SNED1: variants seen among roughly 807,000 people sequenced by gnomAD.
The protein encoded by SNED1 is sushi, nidogen and EGF-like domain-containing protein 1.
In SNED1, 81 loss-of-function variants were observed where a neutral mutation model predicts 166.7. That is an observed-to-expected ratio of 0.49 (90% confidence interval 0.41 to 0.58). The LOEUF is 0.58. SNED1 is among the 20% of genes least tolerant of loss of function. SNED1 has a pLI of 0.00. For synonymous variants in SNED1, 762 were observed against 822.0 expected, an observed-to-expected ratio of 0.93 and a Z score of 1.25; for missense variants, 1,604 against 2,000.2, an observed-to-expected ratio of 0.80 and a Z score of 3.78.
intron 16 of SNED1, among the ~76,000 whole-genome samples, chr2:241,055,227 T>C (rs1477414136): frequency 6.6e-6 from 1 of 152,144 alleles, no homozygotes; most frequent in Non-Finnish European, 1.5e-5. Flanking sequence ...GATAAGTGGC[T>C]AGGGAGTTAA....
At chr2:241,020,116 A>T (rs900983727) in intron 1 of SNED1, among the ~76,000 whole-genome samples, 9 of 152,256 alleles carry the variant, frequency 5.9e-5, no homozygotes, top group African/African-American at 2.2e-4. Context: ...AAAAGAACAA[A>T]AAAGAATATG....
At chr2:241,056,726 G>A (rs796319981) in intron 16 of SNED1, among the ~76,000 whole-genome samples, 26 of 151,712 alleles carry the variant, frequency 1.7e-4, no homozygotes, top group African/African-American at 5.8e-4. Flanking sequence ...GACTACAGGC[G>A]CCCATCACCA....
intron 8 of SNED1, 98 bp downstream of exon 8, chr2:241,040,511 C>G: frequency 1.3e-6 from 1 of 744,084 alleles, no homozygotes; most frequent in Non-Finnish European, 2.2e-6. Context: ...TGCCATCTGA[C>G]TCACCTCACA....
In SNED1 at chr2:241,069,054, GA is replaced by G; in HGVS notation, c.3307+34del. 6.9e-7 allele frequency: 1 copy of G among 1,439,252 alleles called. No individual in the cohort carries two copies. Among genetic ancestry groups the G allele is most frequent in the Non-Finnish European group, 9.5e-7 (1 of 1,052,882 alleles). The allele number at this position is 1,439,252 out of a possible 1,614,324, so 89.2% of individuals were successfully genotyped here. ...TAGAGCAGCGCGGCCCCCGGCACAC[GA>G]AAGGCCGTCTTCTAGAAGCTCTGGC... On this transcript the variant is annotated intron_variant, in intron 23 of 31. Coordinates refer to ENST00000310397, the MANE Select transcript of SNED1 (RefSeq NM_001080437.3). The surrounding 1 kb of genome is among the most constrained non-coding windows in gnomAD (Gnocchi z 4.9).
At chr2:241,037,135 A>T in intron 5 of SNED1, 105 bp from the exon 6 acceptor site, 1 of 1,107,628 alleles carries the variant, frequency 9.0e-7, no homozygotes, top group Non-Finnish European at 1.3e-6. Flanking sequence ...CTCTGAGCCA[A>T]TCTCGGGCTT....
chr2:241,072,211 C>A, intron 26 of SNED1: 1 of 551,326 alleles, frequency 1.8e-6, no homozygotes, highest in South Asian at 1.5e-5. Context: ...GGGCTCTGAG[C>A]TTTGTTTTAG....
At chr2:241,003,219 T>G (rs943798194) in intron 1 of SNED1, among the ~76,000 whole-genome samples, 19 of 151,606 alleles carry the variant, frequency 1.3e-4, no homozygotes, top group Non-Finnish European at 7.4e-5. Flanking sequence ...TTAGTTTTCT[T>G]GTTTGGGAGG....
chr2:241,052,697 GGGGGGGGTCA>G lies in SNED1; in HGVS notation c.2083+230_2083+239del, dbSNP rs1559269643. Among the ~76,000 whole-genome samples the G allele has an allele frequency of 2.7e-3, 150 of 55,488 alleles. 2 individuals are homozygous for G. Among genetic ancestry groups the G allele is most frequent in the East Asian group, 0.019 (22 of 1,168 alleles). The allele number at this position is 55,488 out of a possible 152,430, so 36.4% of individuals were successfully genotyped here. A position where few individuals can be genotyped will look rare whatever the true frequency, so the allele number is the denominator to read the frequency against. Reference sequence around the variant, plus strand: ...GGCAGGTGAGAGGGTCGGCGGGGGGGGGGGGGGTCAAGCAGGGTACATGGGATACCAGTGC... The same window carrying G: ...GGCAGGTGAGAGGGTCGGCGGGGGGGAGCAGGGTACATGGGATACCAGTGC... On this transcript the variant is annotated intron_variant, in intron 15 of 31. Transcript: ENST00000310397.
intron 31 of SNED1, chr2:241,089,861 ACACAC>A: frequency 6.9e-7 from 1 of 1,453,100 alleles, no homozygotes; most frequent in Non-Finnish European, 9.1e-7. Flanking sequence ...CTCCCGGGCT[ACACAC>A]CACAGCGTGT....
intron 30 of SNED1, chr2:241,088,083 A>G: frequency 2.1e-6 from 1 of 474,364 alleles, no homozygotes; most frequent in Non-Finnish European, 3.7e-6. Context: ...TCCCTAGGGT[A>G]GCTTTTGCTT....
Position 240,999,155 on chromosome 2 carries a change from A to C in SNED1, c.213+105A>C, listed in dbSNP as rs2060000653. On this transcript the variant is annotated intron_variant, in intron 1 of 31. Coordinates refer to ENST00000310397, the MANE Select transcript of SNED1 (RefSeq NM_001080437.3). This position sits in a 1 kb window ranked among gnomAD's most constrained non-coding sequence, Gnocchi z 5.8. ...CCGCCGCCGCCGCCAGCCACTTGGC[A>C]CCGGGGCGGCCCGAGGTGGAATGAG... 2 of 642,948 alleles carry C rather than the reference A, an allele frequency of 3.1e-6. No homozygotes were observed. The highest frequency in any genetic ancestry group is 9.6e-5 in the Admixed American group (2 of 20,814). 39.8% of individuals were successfully genotyped at this position (642,948 alleles called of 1,614,324 possible).
At chr2:241,037,387 G>C (rs756152976) in intron 6 of SNED1, 34 bp downstream of exon 6, 1 of 1,419,604 alleles carries the variant, frequency 7.0e-7, no homozygotes, top group Non-Finnish European at 9.8e-7. Flanking sequence ...ACGGGGCCCT[G>C]CTGGGGGCAG....
intron 11 of SNED1, 63 bp downstream of exon 11, chr2:241,049,198 G>T (rs751110782): frequency 1.5e-6 from 2 of 1,310,292 alleles, no homozygotes; most frequent in Non-Finnish European, 2.2e-6. Flanking sequence ...GGAGAAAGCG[G>T]TGGATGAGGC....
In SNED1 at chr2:241,093,742, T is replaced by C. The variant is rs2064199498; in HGVS notation, c.*2106T>C. 6.6e-6 allele frequency: 1 copy of C among 152,332 alleles called. No homozygotes were observed. The highest frequency in any genetic ancestry group is 2.4e-5 in the African/African-American group (1 of 41,464). The allele number at this position is 152,332 out of a possible 1,614,324, so 9.4% of individuals were successfully genotyped here. ...AAAAAGACTTCCTGGTGCTCAGGAATTACAGTTCGTTCTTGAAACATTCCA... is the reference window on the plus strand; with the variant it reads ...AAAAAGACTTCCTGGTGCTCAGGAACTACAGTTCGTTCTTGAAACATTCCA... On this transcript the variant is annotated 3_prime_UTR_variant, in exon 32 of 32. Coordinates refer to ENST00000310397, the MANE Select transcript of SNED1 (RefSeq NM_001080437.3).
At chr2:241,074,291 C>G (rs1423437767) in intron 27 of SNED1, 1 of 152,116 alleles carries the variant, frequency 6.6e-6, no homozygotes, top group African/African-American at 2.4e-5. Context: ...TCACCATCCC[C>G]CCCCCGCCCT....
rs115838226 is a variant in SNED1 at position 241,068,677 on chromosome 2, G to T, written c.3195-234G>T. On this transcript the variant is annotated intron_variant, in intron 22 of 31. Coordinates refer to ENST00000310397, the MANE Select transcript of SNED1 (RefSeq NM_001080437.3). The surrounding 1 kb of genome is among the most constrained non-coding windows in gnomAD (Gnocchi z 5.3). ...CCGGCCCTCTGACCATACTGTAGCAGCCCCAAGCGCACCCGATCCTCCTCC... is the reference window on the plus strand; with the variant it reads ...CCGGCCCTCTGACCATACTGTAGCATCCCCAAGCGCACCCGATCCTCCTCC... Among the ~76,000 whole-genome samples the T allele has an allele frequency of 4.3e-3, 661 of 152,162 alleles. 5 individuals carry two copies. Among genetic ancestry groups the T allele is most frequent in the African/African-American group, 0.015 (638 of 41,512 alleles).
intron 31 of SNED1, among the ~76,000 whole-genome samples, chr2:241,090,881 AAAAG>A (rs1183819666): frequency 2.0e-5 from 3 of 151,956 alleles, no homozygotes; most frequent in Non-Finnish European, 2.9e-5. Context: ...AAAAAAAAAA[AAAAG>A]AAAAAAGAAT....
chr2:241,001,613 G>T (rs897334289), intron 1 of SNED1, among the ~76,000 whole-genome samples: 5 of 152,262 alleles, frequency 3.3e-5, no homozygotes, highest in African/African-American at 1.2e-4. Flanking sequence ...TGCCATGCAG[G>T]AACTGCCAGT....
chr2:241,082,159 G>T, intron 28 of SNED1, 118 bp from the exon 29 acceptor site: 1 of 757,998 alleles, frequency 1.3e-6, no homozygotes. Flanking sequence ...CCACCATCCC[G>T]CCTTGGAGGA....
Sources: allele counts gnomAD v4.1 joint callset (sites outside exome capture counted in the v4.1 genomes callset), GRCh38; gene constraint gnomAD v4.1.1; non-coding constraint Gnocchi (gnomAD v3.1); transcripts MANE v1.5; gene names NCBI Gene and HGNC (gene_info 2026-07-23, HGNC 2026-07-21).